Variants in KIAA1328 observed in about 807,000 individuals in gnomAD.
KIAA1328 encodes the protein protein hinderin.
Under a neutral mutation model 68.1 loss-of-function variants are expected in KIAA1328, and 52 were observed. The ratio of observed to expected loss-of-function variants is 0.76; its 90% CI spans 0.61 to 0.96. The LOEUF is 0.96. KIAA1328 is among the 40% of genes least tolerant of loss of function. The pLI, the probability that KIAA1328 is intolerant of heterozygous loss-of-function variation, is 0.00. For synonymous variants in KIAA1328, 232 were observed against 239.4 expected (o/e 0.97, Z 0.28); for missense variants, 641 against 677.6 (o/e 0.95, Z 0.60).
At chr18:37,211,910 T>G (rs1481913243) in intron 9 of KIAA1328, among the ~76,000 whole-genome samples, 1 of 152,238 alleles carries the variant, frequency 6.6e-6, no homozygotes, top group African/African-American at 2.4e-5. Flanking sequence ...ATATATTTAC[T>G]GTTTCCCAAT....
chr18:37,224,807 G>A lies in KIAA1328; in HGVS notation c.*2580G>A, dbSNP rs906708612. 1 of 985,300 alleles carries A rather than the reference G, an allele frequency of 1.0e-6. No individual in the cohort carries two copies. Among genetic ancestry groups the A allele is most frequent in the African/African-American group, 1.7e-5 (1 of 57,206 alleles). The allele number at this position is 985,300 out of a possible 1,614,324, so 61.0% of individuals were successfully genotyped here. ...ACATGCCGAGGGCGTTGCGGATAGT[G>A]CCTCACCATTGCCCACCCTGCTGCC... is the stretch of plus-strand genomic sequence containing the variant. On this transcript the variant is annotated 3_prime_UTR_variant, in exon 10 of 10. Transcript: ENST00000280020.
chr18:37,049,418 A>G (rs1395085746), intron 6 of KIAA1328, among the ~76,000 whole-genome samples: 1 of 152,194 alleles, frequency 6.6e-6, no homozygotes, highest in Non-Finnish European at 1.5e-5. Flanking sequence ...TTTTATTTTT[A>G]TTTCTAAATA....
At chr18:37,213,583 A>C (rs1450281816) in intron 9 of KIAA1328, among the ~76,000 whole-genome samples, 1 of 152,176 alleles carries the variant, frequency 6.6e-6, no homozygotes, top group African/African-American at 2.4e-5. Flanking sequence ...AGTCTTTGCT[A>C]TTGTGAATAG....
intron 5 of KIAA1328, among the ~76,000 whole-genome samples, chr18:36,946,067 GGA>G (rs1202985651): frequency 7.9e-5 from 12 of 152,086 alleles, no homozygotes; most frequent in African/African-American, 2.9e-4. Context: ...TTCAGAGTTT[GGA>G]GTATTTCTAA....
intron 9 of KIAA1328, among the ~76,000 whole-genome samples, chr18:37,185,283 C>T (rs1024820841): frequency 6.6e-6 from 1 of 152,100 alleles, no homozygotes; most frequent in Non-Finnish European, 1.5e-5. Flanking sequence ...ACAAGGGACC[C>T]GGTACAGTTT....
chr18:37,231,640 C>G (rs1307849488), downstream of KIAA1328: 1 of 152,520 alleles, frequency 6.6e-6, no homozygotes, highest in Non-Finnish European at 1.5e-5. Context: ...GCTGGCCTCT[C>G]CCTCCCTTCT....
chr18:36,941,760 C>T (rs1397178500), intron 5 of KIAA1328, among the ~76,000 whole-genome samples: 1 of 151,990 alleles, frequency 6.6e-6, no homozygotes, highest in Non-Finnish European at 1.5e-5. Context: ...ATAGAAGAGG[C>T]ATTTACATTT....
chr18:36,916,577 G>T (rs2049709167), intron 5 of KIAA1328, among the ~76,000 whole-genome samples: 10 of 151,856 alleles, frequency 6.6e-5, no homozygotes, highest in South Asian at 6.2e-4. Flanking sequence ...TTTAAATGCT[G>T]CTACCATTTA....
intron 5 of KIAA1328, among the ~76,000 whole-genome samples, chr18:36,953,363 T>C (rs1037310774): frequency 2.2e-5 from 3 of 137,708 alleles, no homozygotes; most frequent in East Asian, 4.1e-4. Flanking sequence ...ATATAGCCAA[T>C]GCCAACAACT....
chr18:37,164,991 A>C (rs2059357087), intron 8 of KIAA1328, among the ~76,000 whole-genome samples: 2 of 152,106 alleles, frequency 1.3e-5, no homozygotes, highest in African/African-American at 4.8e-5. Context: ...ATCCTCCTGA[A>C]GCCTTTCCTC....
intron 5 of KIAA1328, among the ~76,000 whole-genome samples, chr18:36,920,292 T>C (rs190600664): frequency 1.3e-5 from 2 of 152,300 alleles, no homozygotes; most frequent in Admixed American, 1.3e-4. Context: ...CCCAACACCA[T>C]TTATTGAATA....
At chr18:36,980,354 A>G (rs1363087108) in intron 6 of KIAA1328, among the ~76,000 whole-genome samples, 2 of 152,012 alleles carry the variant, frequency 1.3e-5, no homozygotes, top group African/African-American at 2.4e-5. Flanking sequence ...CCCACAAGGG[A>G]CAGATATACT....
chr18:37,108,895 A>G (rs1455002447), intron 7 of KIAA1328, among the ~76,000 whole-genome samples: 1 of 152,170 alleles, frequency 6.6e-6, no homozygotes, highest in Non-Finnish European at 1.5e-5. Context: ...CATCATTTAC[A>G]TTAGGTATTT....
chr18:36,981,196 C>T (rs8088888), intron 6 of KIAA1328, among the ~76,000 whole-genome samples: 111,357 of 151,950 alleles, frequency 0.73, 43,935 homozygotes, highest in South Asian at 0.89. Flanking sequence ...GATTTTTGTC[C>T]TAGTCATGGA....
intron 9 of KIAA1328, among the ~76,000 whole-genome samples, chr18:37,175,333 G>GCACA (rs1429435327): frequency 3.9e-5 from 6 of 152,120 alleles, no homozygotes; most frequent in Non-Finnish European, 5.9e-5. Flanking sequence ...AACATCCTCA[G>GCACA]CACACATTTT....
intron 4 of KIAA1328, among the ~76,000 whole-genome samples, chr18:36,861,966 C>G (rs1461435860): frequency 6.6e-6 from 1 of 152,128 alleles, no homozygotes; most frequent in Non-Finnish European, 1.5e-5. Context: ...TCACTGTGTC[C>G]AGTCCCATTT....
Position 36,880,998 on chromosome 18 carries a change from A to G in KIAA1328, c.333-4559A>G, listed in dbSNP as rs189787724. On this transcript the variant is annotated intron_variant, in intron 4 of 9. Coordinates refer to ENST00000280020, the MANE Select transcript of KIAA1328 (RefSeq NM_020776.3). Reference sequence around the variant, plus strand: ...GTTTTTTAGAATTTTTTTCAGCTATACTTATCAGATAGATTGGATTATAGT... The same window carrying G: ...GTTTTTTAGAATTTTTTTCAGCTATGCTTATCAGATAGATTGGATTATAGT... Among the ~76,000 whole-genome samples, 39 of 151,486 alleles carry G rather than the reference A, an allele frequency of 2.6e-4. 1 individual carries two copies. Among genetic ancestry groups the G allele is most frequent in the Admixed American group, 2.0e-3 (31 of 15,284 alleles).
At chr18:37,013,136 G>C (rs913172362) in intron 6 of KIAA1328, among the ~76,000 whole-genome samples, 1 of 152,074 alleles carries the variant, frequency 6.6e-6, no homozygotes. Flanking sequence ...TATTAAAATA[G>C]CACCTGGATG....
chr18:37,078,088 G>C (rs1167066264), intron 7 of KIAA1328, among the ~76,000 whole-genome samples: 2 of 152,166 alleles, frequency 1.3e-5, no homozygotes, highest in African/African-American at 2.4e-5. Context: ...ATACTACAAG[G>C]CTGCAGTAAC....
Sources: gnomAD v4.1 joint callset for allele counts (sites outside exome capture counted in the v4.1 genomes callset) on GRCh38, gnomAD v4.1.1 for gene constraint, MANE v1.5 for transcripts, NCBI Gene and HGNC (gene_info 2026-07-23, HGNC 2026-07-21) for gene names.